BTRC: variants seen among roughly 807,000 people sequenced by gnomAD.
The protein encoded by BTRC is beta-transducin repeat containing E3 ubiquitin protein ligase, also known as F-box/WD repeat-containing protein 1A.
BTRC carries 42 observed loss-of-function variants against 85.5 expected under a neutral mutation model. The ratio of observed to expected loss-of-function variants is 0.49; its 90% confidence interval spans 0.38 to 0.64. The LOEUF (loss-of-function observed/expected upper bound fraction) is 0.64, where lower values mean the gene tolerates loss of function less well. BTRC is among the 30% of genes least tolerant of loss of function. The pLI is 0.00. For synonymous variants in BTRC, 255 were observed against 263.3 expected (o/e 0.97, Z 0.30); for missense variants, 594 against 743.5 (o/e 0.80, Z 2.34).
intron 3 of BTRC, among the ~76,000 whole-genome samples, chr10:101,465,713 C>A (rs922145515): frequency 2.0e-5 from 3 of 152,066 alleles, no homozygotes; most frequent in Non-Finnish European, 4.4e-5. Flanking sequence ...ATTACCAGAA[C>A]AAGAAATAAT....
At chr10:101,494,771 T>C (rs1021742433) in intron 4 of BTRC, among the ~76,000 whole-genome samples, 4 of 152,218 alleles carry the variant, frequency 2.6e-5, no homozygotes, top group Admixed American at 2.0e-4. Context: ...TAGTTGTGTG[T>C]AGTATAATTA....
At chr10:101,371,234 G>C (rs371028514) in intron 1 of BTRC, among the ~76,000 whole-genome samples, 9 of 151,780 alleles carry the variant, frequency 5.9e-5, no homozygotes, top group African/African-American at 2.2e-4. Flanking sequence ...GCCCAGACTG[G>C]AGTGCAATGA....
chr10:101,407,990 G>A (rs2134015703), intron 1 of BTRC, among the ~76,000 whole-genome samples: 2 of 151,948 alleles, frequency 1.3e-5, no homozygotes, highest in Middle Eastern at 6.8e-3. Context: ...CCAAAGTGCT[G>A]GGATTACAGG....
At chr10:101,433,834 G>A (rs1234041026) in intron 2 of BTRC, among the ~76,000 whole-genome samples, 1 of 152,116 alleles carries the variant, frequency 6.6e-6, no homozygotes, top group African/African-American at 2.4e-5. Flanking sequence ...AGAGAGAGAT[G>A]ATGGCAGCTT....
chr10:101,506,773 T>C (rs535447902), intron 4 of BTRC, among the ~76,000 whole-genome samples: 13 of 152,352 alleles, frequency 8.5e-5, no homozygotes, highest in South Asian at 2.1e-4. Context: ...GAAGTTTACT[T>C]ATTTCCTAGC....
chr10:101,532,468 G>T, intron 8 of BTRC, 36 bp downstream of exon 8: 1 of 1,566,842 alleles, frequency 6.4e-7, no homozygotes, highest in South Asian at 1.2e-5. Flanking sequence ...GTAGCAGAGG[G>T]AGCAAGAGTG....
chr10:101,431,672 TGTAA>T (rs1462979894), intron 2 of BTRC, among the ~76,000 whole-genome samples: 18 of 152,330 alleles, frequency 1.2e-4, no homozygotes, highest in African/African-American at 3.6e-4. Context: ...AAAGATAGGC[TGTAA>T]GTGTCAGAAG....
intron 1 of BTRC, among the ~76,000 whole-genome samples, chr10:101,388,204 C>T (rs946435961): frequency 2.0e-5 from 3 of 152,030 alleles, no homozygotes; most frequent in African/African-American, 7.2e-5. Context: ...CTCTGTTGCC[C>T]AGGCTAGAGG....
chr10:101,475,745 C>CTTT (rs1185423152), intron 3 of BTRC, among the ~76,000 whole-genome samples: 3 of 151,370 alleles, frequency 2.0e-5, no homozygotes, highest in Admixed American at 1.3e-4. Context: ...GAAATCACAT[C>CTTT]TTTTCCTTAC....
intron 4 of BTRC, among the ~76,000 whole-genome samples, chr10:101,504,853 T>G (rs1259763052): frequency 6.6e-6 from 1 of 151,922 alleles, no homozygotes; most frequent in African/African-American, 2.4e-5. Flanking sequence ...CTGATCAATT[T>G]GATATTATGA....
At chr10:101,550,996 C>G in intron 14 of BTRC, 105 bp downstream of exon 14, 1 of 1,067,326 alleles carries the variant, frequency 9.4e-7, no homozygotes, top group Non-Finnish European at 1.3e-6. Flanking sequence ...GGGTCACCAA[C>G]TCCTGTAAAG....
Position 101,525,999 on chromosome 10 carries a change from C to G in BTRC, c.557-14C>G, listed in dbSNP as rs750735634. 6.8e-6 allele frequency: 11 copies of G among 1,610,474 alleles called. No homozygotes were observed. Among genetic ancestry groups the G allele is most frequent in the Admixed American group, 1.7e-5 (1 of 59,818 alleles). ...TCTGTGTTCTTTTTCTTTGCCTCCT[C>G]CCCCTACTGAAAGCTCGGGGATTGG... On this transcript the variant is annotated splice_polypyrimidine_tract_variant and intron_variant, in intron 5 of 14. Transcript: ENST00000370187.
intron 13 of BTRC, among the ~76,000 whole-genome samples, chr10:101,542,572 G>A (rs1417660980): frequency 3.3e-5 from 5 of 152,014 alleles, no homozygotes; most frequent in Non-Finnish European, 2.9e-5. Context: ...GACAGCTTTT[G>A]CTTCGTGGTT....
chr10:101,540,996 G>T (rs2062456589), intron 13 of BTRC, among the ~76,000 whole-genome samples: 1 of 151,918 alleles, frequency 6.6e-6, no homozygotes, highest in African/African-American at 2.4e-5. Flanking sequence ...TATTGGAAAA[G>T]GTATTTTTAA....
chr10:101,429,842 A>G (rs975449874), intron 1 of BTRC, among the ~76,000 whole-genome samples: 3 of 148,838 alleles, frequency 2.0e-5, no homozygotes, highest in Non-Finnish European at 4.5e-5. Context: ...AGCCGTAGGG[A>G]TACAATACTT....
intron 1 of BTRC, among the ~76,000 whole-genome samples, chr10:101,369,040 C>T (rs1481870308): frequency 1.3e-5 from 2 of 151,950 alleles, no homozygotes; most frequent in Admixed American, 6.6e-5. Context: ...ATAATAACAT[C>T]GTCTTTTTCG....
At chr10:101,361,573 G>C (rs11190959) in intron 1 of BTRC, among the ~76,000 whole-genome samples, 54,392 of 152,070 alleles carry the variant, frequency 0.36, 10,919 homozygotes, top group Middle Eastern at 0.48. Flanking sequence ...GGCAATGGAG[G>C]GGGGAAGAAA....
intron 2 of BTRC, among the ~76,000 whole-genome samples, chr10:101,445,601 GTCTATTGGTCTCTTTTTAAATCA>G (rs1381975205): frequency 6.6e-6 from 1 of 152,262 alleles, no homozygotes; most frequent in East Asian, 1.9e-4. Context: ...TTATCGGTCT[GTCTATTGGTCTCTTTTTAAATCA>G]GTTTGGAACC....
intron 4 of BTRC, among the ~76,000 whole-genome samples, chr10:101,519,963 C>T (rs1302254093): frequency 2.0e-5 from 3 of 152,066 alleles, no homozygotes; most frequent in African/African-American, 7.2e-5. Flanking sequence ...CTATTGCACT[C>T]CAGTGTGGGC....
Sources: allele counts gnomAD v4.1 joint callset (sites outside exome capture counted in the v4.1 genomes callset), GRCh38; gene constraint gnomAD v4.1.1; transcripts MANE v1.5; gene names NCBI Gene and HGNC (gene_info 2026-07-23, HGNC 2026-07-21).